ZNF536: variants seen among roughly 807,000 people sequenced by gnomAD.
ZNF536 encodes the protein zinc finger protein 536.
In ZNF536, 13 loss-of-function variants were observed where a neutral mutation model predicts 84.5. The ratio of observed to expected loss-of-function variants is 0.15; its 90% CI spans 0.10 to 0.24. The LOEUF is 0.24. Ranked by LOEUF, ZNF536 falls within the 10% of genes least tolerant of loss-of-function variation. ZNF536 has a pLI of 1.00. For synonymous variants in ZNF536, 811 were observed against 742.5 expected (o/e 1.09, Z -1.50); for missense variants, 1,536 against 1,747.5 (o/e 0.88, Z 2.16).
chr19:30,584,897 A>G (rs943332641), intron 1 of ZNF536, among the ~76,000 whole-genome samples: 10 of 152,244 alleles, frequency 6.6e-5, no homozygotes, highest in African/African-American at 2.4e-4. Context: ...GGAGTTCAAG[A>G]CCAGCCTAGG....
At chr19:30,476,490 G>A (rs1456676449) in intron 2 of ZNF536, among the ~76,000 whole-genome samples, 1 of 152,162 alleles carries the variant, frequency 6.6e-6, no homozygotes, top group African/African-American at 2.4e-5. Flanking sequence ...CATATAATTC[G>A]ATGAGAATCG....
At chr19:30,470,054 C>G (rs2053567457) in intron 2 of ZNF536, among the ~76,000 whole-genome samples, 1 of 152,242 alleles carries the variant, frequency 6.6e-6, no homozygotes, top group Non-Finnish European at 1.5e-5. Flanking sequence ...GTGGCTGCTT[C>G]AAGCTGCCGT....
intron 1 of ZNF536, among the ~76,000 whole-genome samples, chr19:30,679,331 G>C (rs562589191): frequency 6.6e-6 from 1 of 152,238 alleles, no homozygotes; most frequent in African/African-American, 2.4e-5. Context: ...AGATGATGGA[G>C]GTGAGGCCCT....
At chr19:30,527,953 C>G (rs1320270897) in intron 2 of ZNF536, among the ~76,000 whole-genome samples, 1 of 152,162 alleles carries the variant, frequency 6.6e-6, no homozygotes, top group Non-Finnish European at 1.5e-5. Context: ...ACCCCTTAGA[C>G]TCCACAAATA....
chr19:30,475,598 C>T (rs1568467875), intron 2 of ZNF536, among the ~76,000 whole-genome samples: 1 of 152,208 alleles, frequency 6.6e-6, no homozygotes. Flanking sequence ...CCACAGTAGG[C>T]ATCTTGTCTG....
intron 1 of ZNF536, among the ~76,000 whole-genome samples, chr19:30,684,740 G>C (rs2051105426): frequency 6.6e-6 from 1 of 152,198 alleles, no homozygotes; most frequent in Non-Finnish European, 1.5e-5. Flanking sequence ...CTTTGGTTCA[G>C]GCAAGGGAGG....
At chr19:30,436,511 A>G in intron 1 of ZNF536, 3 of 984,988 alleles carry the variant, frequency 3.0e-6, no homozygotes, top group Non-Finnish European at 3.6e-6. Flanking sequence ...AGCAAGCTCT[A>G]GGCCAAAATG....
At chr19:30,253,139 C>T (rs929585815) in intron 1 of ZNF536, among the ~76,000 whole-genome samples, 8 of 152,140 alleles carry the variant, frequency 5.3e-5, no homozygotes, top group African/African-American at 1.4e-4. Flanking sequence ...GCCTCCTAAC[C>T]GCAGGGAGAC....
At chr19:30,390,891 T>A (rs1265872791) in intron 1 of ZNF536, among the ~76,000 whole-genome samples, 1 of 152,198 alleles carries the variant, frequency 6.6e-6, no homozygotes, top group Non-Finnish European at 1.5e-5. Flanking sequence ...TATTCCAATG[T>A]CAGAATAAAC....
At chr19:30,486,970 A>G (rs781766006) in intron 2 of ZNF536, among the ~76,000 whole-genome samples, 4 of 152,352 alleles carry the variant, frequency 2.6e-5, no homozygotes, top group Non-Finnish European at 4.4e-5. Context: ...ACAAACTTAA[A>G]TAAAGAACCA....
chr19:30,331,292 T>TAAAAAAA lies in ZNF536; in HGVS notation c.-119-21053_-119-21047dup, dbSNP rs11324495. Among the ~76,000 whole-genome samples the TAAAAAAA allele has an allele frequency of 5.0e-4, 21 of 41,740 alleles. 1 individual carries two copies. Among genetic ancestry groups the TAAAAAAA allele is most frequent in the East Asian group, 2.9e-3 (3 of 1,018 alleles). The allele number at this position is 41,740 out of a possible 152,430, so 27.4% of individuals were successfully genotyped here. A position where few individuals can be genotyped will look rare whatever the true frequency, so the allele number is the denominator to read the frequency against. On this transcript the variant is annotated intron_variant, in intron 2 of 5. Transcript: ENST00000585628. ...GGGAACAGAGTAAGACCCTGTATCT[T>TAAAAAAA]AAAAAAAAAAAAAAAAAAAAAAAAA...
intron 2 of ZNF536, among the ~76,000 whole-genome samples, chr19:30,457,065 A>T (rs1328376815): frequency 6.6e-6 from 1 of 152,050 alleles, no homozygotes; most frequent in African/African-American, 2.4e-5. Context: ...AACAAAAAAA[A>T]AGATGAATAG....
At chr19:30,604,719 T>G (rs4805588) in intron 1 of ZNF536, among the ~76,000 whole-genome samples, 52,832 of 152,074 alleles carry the variant, frequency 0.35, 9,659 homozygotes, top group East Asian at 0.6. Flanking sequence ...GGGAAATGAT[T>G]TAAAAGCAGC....
chr19:30,402,120 G>T (rs1356806915), intron 1 of ZNF536, among the ~76,000 whole-genome samples: 5 of 152,120 alleles, frequency 3.3e-5, no homozygotes, highest in African/African-American at 9.7e-5. Flanking sequence ...GCCCTTGAAG[G>T]CACAATTTAA....
Position 30,557,810 on chromosome 19 carries a change from G to C in ZNF536, c.*646G>C, listed in dbSNP as rs1334145475. The C allele has an allele frequency of 2.0e-5, 3 of 152,558 alleles. No homozygotes were observed. The highest frequency in any genetic ancestry group is 2.9e-5 in the Non-Finnish European group (2 of 68,040). 9.5% of individuals were successfully genotyped at this position (152,558 alleles called of 1,614,324 possible). Reference sequence around the variant, plus strand: ...AAGCAAAATATGTAAACTTGTACGGGGTGATCGTGTGCTTTGGAACAGAGT... The same window carrying C: ...AAGCAAAATATGTAAACTTGTACGGCGTGATCGTGTGCTTTGGAACAGAGT... On this transcript the variant is annotated 3_prime_UTR_variant, in exon 5 of 5. Transcript: ENST00000355537.
intron 1 of ZNF536, among the ~76,000 whole-genome samples, chr19:30,677,528 T>A (rs2050795486): frequency 6.6e-6 from 1 of 152,160 alleles, no homozygotes; most frequent in Non-Finnish European, 1.5e-5. Context: ...TTCACTGCTC[T>A]CCATGCAGGA....
At chr19:30,367,635 A>T (rs1600412695), upstream of ZNF536, among the ~76,000 whole-genome samples, 1 of 152,292 alleles carries the variant, frequency 6.6e-6, no homozygotes, top group East Asian at 1.9e-4. Context: ...TGATTCAGGA[A>T]GTCTGGGGTG....
chr19:30,627,468 C>CAAAAAAAAAAAAAAAAAAAAAAA (rs569312789), intron 1 of ZNF536, among the ~76,000 whole-genome samples: 4 of 52,048 alleles, frequency 7.7e-5, no homozygotes, highest in South Asian at 8.8e-4. Context: ...AAGGCCCTGT[C>CAAAAAAAAAAAAAAAAAAAAAAA]AAAAAAAAAA....
chr19:30,506,781 C>T (rs2055191795), intron 2 of ZNF536, among the ~76,000 whole-genome samples: 1 of 152,136 alleles, frequency 6.6e-6, no homozygotes, highest in African/African-American at 2.4e-5. Context: ...AAAATAGCTT[C>T]CTTGTTTGGG....
Sources: gnomAD v4.1 joint callset for allele counts (sites outside exome capture counted in the v4.1 genomes callset) on GRCh38, gnomAD v4.1.1 for gene constraint, MANE v1.5 for transcripts, NCBI Gene and HGNC (gene_info 2026-07-23, HGNC 2026-07-21) for gene names.